IFNG-AS1: variants seen among roughly 807,000 people sequenced by gnomAD.
IFNG-AS1 encodes IFNG antisense RNA 1 (non-protein coding).
chr12:68,000,916 T>C (rs919474657), intron 2 of IFNG-AS1, among the ~76,000 whole-genome samples: 5 of 152,174 alleles, frequency 3.3e-5, no homozygotes, highest in Non-Finnish European at 5.9e-5. Context: ...TGTACAGATA[T>C]ATGTTTTTCT....
chr12:68,004,202 A>G (rs1198289718), intron 2 of IFNG-AS1, among the ~76,000 whole-genome samples: 1 of 152,208 alleles, frequency 6.6e-6, no homozygotes, highest in Non-Finnish European at 1.5e-5. Context: ...CCTCATAAAC[A>G]TCTACCTCAC....
At chr12:67,999,862 C>A (rs1879727417) in intron 2 of IFNG-AS1, among the ~76,000 whole-genome samples, 1 of 152,134 alleles carries the variant, frequency 6.6e-6, no homozygotes, top group Non-Finnish European at 1.5e-5. Flanking sequence ...AGCAGTCTGG[C>A]AGACACTACC....
At chr12:68,015,291 G>A (rs1433691389) in intron 3 of IFNG-AS1, among the ~76,000 whole-genome samples, 1 of 152,152 alleles carries the variant, frequency 6.6e-6, no homozygotes, top group Non-Finnish European at 1.5e-5. Flanking sequence ...GGGGTCACAT[G>A]CTTCTCCATA....
At chr12:68,018,976 C>T (rs1347852429) in intron 3 of IFNG-AS1, among the ~76,000 whole-genome samples, 3 of 152,014 alleles carry the variant, frequency 2.0e-5, no homozygotes, top group Non-Finnish European at 4.4e-5. Flanking sequence ...CTCTCTCATA[C>T]TAATTCTTGT....
chr12:68,010,560 A>G (rs1253541766), intron 3 of IFNG-AS1, among the ~76,000 whole-genome samples: 1 of 152,128 alleles, frequency 6.6e-6, no homozygotes, highest in African/African-American at 2.4e-5. Context: ...GCTGCCTTCC[A>G]TCTGACTTTC....
intron 1 of IFNG-AS1, among the ~76,000 whole-genome samples, chr12:67,995,583 A>G (rs1879621097): frequency 6.6e-6 from 1 of 151,772 alleles, no homozygotes; most frequent in South Asian, 2.1e-4. Context: ...TTAGCCAGGC[A>G]TGGTGTCATG....
chr12:67,998,517 A>T (rs181191920), intron 2 of IFNG-AS1, among the ~76,000 whole-genome samples: 2 of 152,092 alleles, frequency 1.3e-5, no homozygotes, highest in Admixed American at 1.3e-4. Flanking sequence ...TACAGGGATA[A>T]CAGGAAGGAG....
At chr12:67,998,515 T>C (rs1879693862) in intron 2 of IFNG-AS1, among the ~76,000 whole-genome samples, 1 of 151,692 alleles carries the variant, frequency 6.6e-6, no homozygotes, top group South Asian at 2.1e-4. Context: ...TATACAGGGA[T>C]AACAGGAAGG....
intron 3 of IFNG-AS1, among the ~76,000 whole-genome samples, chr12:68,014,842 G>T (rs1481143827): frequency 2.0e-5 from 3 of 151,826 alleles, no homozygotes; most frequent in African/African-American, 7.3e-5. Context: ...CTATTTCTTT[G>T]GAGAACCCTA....
intron 3 of IFNG-AS1, chr12:68,013,547 C>G (rs1462017146): frequency 1.3e-5 from 2 of 152,166 alleles, no homozygotes; most frequent in African/African-American, 4.8e-5. Context: ...ATGTGAAAAA[C>G]ACTAAGTGGG....
At chr12:68,009,692 C>T (rs1453140342) in intron 3 of IFNG-AS1, among the ~76,000 whole-genome samples, 1 of 152,058 alleles carries the variant, frequency 6.6e-6, no homozygotes, top group Non-Finnish European at 1.5e-5. Context: ...TGGTTTCTTG[C>T]TCTCATAAAA....
chr12:68,014,162 A>G (rs899351096), intron 3 of IFNG-AS1, among the ~76,000 whole-genome samples: 1 of 152,228 alleles, frequency 6.6e-6, no homozygotes, highest in African/African-American at 2.4e-5. Flanking sequence ...CATAATGTAT[A>G]CCACAGTTTC....
chr12:68,001,263 CAA>C (rs1481625224), intron 2 of IFNG-AS1: 1 of 152,228 alleles, frequency 6.6e-6, no homozygotes, highest in East Asian at 1.9e-4. Context: ...GGCACAGAAA[CAA>C]AGATAAAACA....
At chr12:68,002,535 C>A (rs1170969221) in intron 2 of IFNG-AS1, among the ~76,000 whole-genome samples, 4 of 152,160 alleles carry the variant, frequency 2.6e-5, no homozygotes, top group African/African-American at 9.7e-5. Context: ...GGGTGGATTA[C>A]TTATTTTAAT....
At chr12:68,000,836 AT>A (rs1016730780) in intron 2 of IFNG-AS1, among the ~76,000 whole-genome samples, 3 of 151,996 alleles carry the variant, frequency 2.0e-5, no homozygotes, top group Non-Finnish European at 2.9e-5. Flanking sequence ...TAATGAAGTA[AT>A]TTTTTTATAA....
chr12:68,014,264 T>A (rs1880097218), intron 3 of IFNG-AS1, among the ~76,000 whole-genome samples: 1 of 152,214 alleles, frequency 6.6e-6, no homozygotes, highest in Admixed American at 6.5e-5. Flanking sequence ...TGCAAGTATG[T>A]TTTTGCATAA....
chr12:68,019,690 A>C (rs929033601), intron 3 of IFNG-AS1, among the ~76,000 whole-genome samples: 1 of 152,176 alleles, frequency 6.6e-6, no homozygotes, highest in East Asian at 1.9e-4. Context: ...GTAAACTCTA[A>C]TAAAATTCTG....
intron 2 of IFNG-AS1, among the ~76,000 whole-genome samples, chr12:68,005,178 G>A (rs1879877274): frequency 6.6e-6 from 1 of 152,184 alleles, no homozygotes. Context: ...TAAAGGGGGA[G>A]CGGGTAATAA....
intron 3 of IFNG-AS1, among the ~76,000 whole-genome samples, chr12:68,016,148 A>G (rs995157119): frequency 1.3e-5 from 2 of 152,162 alleles, no homozygotes; most frequent in African/African-American, 4.8e-5. Flanking sequence ...ATTTTTATCA[A>G]TTATATAGAC....
Sources: gnomAD v4.1 joint callset for allele counts (sites outside exome capture counted in the v4.1 genomes callset) on GRCh38, gnomAD v4.1.1 for gene constraint, MANE v1.5 for transcripts, NCBI Gene and HGNC (gene_info 2026-07-23, HGNC 2026-07-21) for gene names.